Variants in ZNF267 observed in about 807,000 individuals in gnomAD.
The protein encoded by ZNF267 is zinc finger (C2H2).
Under a neutral mutation model 71.6 loss-of-function variants are expected in ZNF267, and 61 were observed. That is an observed-to-expected ratio of 0.85 (90% CI 0.69 to 1.05). The LOEUF is 1.05. Ranked by LOEUF, ZNF267 falls within the 50% of genes least tolerant of loss-of-function variation. The pLI, the probability that ZNF267 is intolerant of heterozygous loss-of-function variation, is 0.00. For missense variants in ZNF267, 852 were observed against 870.0 expected, an observed-to-expected ratio of 0.98 and a Z score of 0.26; for synonymous variants, 288 against 293.2, an observed-to-expected ratio of 0.98 and a Z score of 0.18.
chr16:31,902,456 C>G (rs1164200057), intron 3 of ZNF267, among the ~76,000 whole-genome samples: 1 of 152,184 alleles, frequency 6.6e-6, no homozygotes, highest in African/African-American at 2.4e-5. Context: ...TGTTTGTATA[C>G]TCTTATTTCA....
intron 3 of ZNF267, chr16:31,894,446 CTGTTAGTGTTTTTTT>C (rs1407399315): frequency 2.3e-6 from 1 of 442,704 alleles, no homozygotes; most frequent in Non-Finnish European, 4.4e-6. Context: ...AGCACTCCAC[CTGTTAGTGTTTTTTT>C]TTTCTGACTA....
Position 31,915,842 on chromosome 16 carries a change from T to C in ZNF267, c.1593T>C (p.Cys531=), listed in dbSNP as rs765648644. 1.9e-5 allele frequency: 30 copies of C among 1,613,486 alleles called. No individual in the cohort carries two copies. In the South Asian group the frequency reaches 2.9e-4, roughly 15 times the overall value. The change falls in exon 4 of 4, where the codon TGT becomes TGC. Residue 531 remains cysteine, a synonymous_variant. Transcript: ENST00000300870. The part of the protein sequence containing the change: ...KCKVCAKPFT[C]FSNLIVHERI... ...AAGTATGTGCTAAACCTTTTACTTG[T>C]TTCTCAAATCTTATTGTGCATGAGA... is the stretch of plus-strand genomic sequence containing the variant.
intron 3 of ZNF267, among the ~76,000 whole-genome samples, chr16:31,900,725 T>C (rs1201587305): frequency 6.6e-6 from 1 of 151,388 alleles, no homozygotes; most frequent in Non-Finnish European, 1.5e-5. Flanking sequence ...ATTACAAGCA[T>C]GAGTCACTGT....
chr16:31,900,434 G>A (rs767150784), intron 3 of ZNF267, among the ~76,000 whole-genome samples: 1 of 151,898 alleles, frequency 6.6e-6, no homozygotes, highest in South Asian at 2.1e-4. Context: ...CTTTTATTAA[G>A]AATTCTTTAT....
In ZNF267 at chr16:31,916,102, A is replaced by G; in HGVS notation, c.1853A>G (p.Asp618Gly). The stretch of plus-strand genomic sequence containing the variant: ...GGCAAAGCCTTTAGTTATAGTTCAG[A>G]TGTTATTCAGCATCGGAGAATTCAT... Reference protein sequence around the residue: ...ECGKAFSYSSDVIQHRRIHTG... With the variant: ...ECGKAFSYSSGVIQHRRIHTG... Residue 618 changes from aspartate (D) to glycine (G), a missense_variant, in exon 4 of 4, where the codon GAT becomes GGT. Asp to Gly is a moderately conservative substitution (Grantham distance 94). Transcript: ENST00000300870. The G allele has an allele frequency of 6.2e-7, 1 of 1,614,138 alleles. No individual in the cohort carries two copies. Among genetic ancestry groups the G allele is most frequent in the Non-Finnish European group, 8.5e-7 (1 of 1,180,008 alleles).
At chr16:31,891,622 T>C (rs551984696) in intron 3 of ZNF267, among the ~76,000 whole-genome samples, 1 of 152,252 alleles carries the variant, frequency 6.6e-6, no homozygotes, top group African/African-American at 2.4e-5. Flanking sequence ...TCTCACGAGA[T>C]CTGATGGTTT....
intron 1 of ZNF267, 33 bp downstream of exon 1, chr16:31,874,002 A>C: frequency 6.2e-7 from 1 of 1,603,170 alleles, no homozygotes. Flanking sequence ...CCCCAGAGGG[A>C]GGGAGGGCGG....
At position 31,914,773 on chromosome 16, in the gene ZNF267, T is replaced by A. The variant is rs140786247; in HGVS notation, c.524T>A (p.Leu175His). The A allele has an allele frequency of 2.1e-4, 334 of 1,613,602 alleles. No homozygotes were observed. Among genetic ancestry groups the A allele is most frequent in the South Asian group, 9.1e-4 (83 of 90,864 alleles). Residue 175 changes from leucine to histidine, a missense_variant, in exon 4 of 4, where the codon CTT becomes CAT. By Grantham distance (99) the Leu-to-His change is moderately conservative (BLOSUM62 -3). Coordinates refer to ENST00000300870, the MANE Select transcript of ZNF267 (RefSeq NM_003414.6). Reference protein sequence around the residue: ...YRKVFTHSSLLNQQEEIDIWG... With the variant: ...YRKVFTHSSLHNQQEEIDIWG... ...AAGGTCTTTACTCATTCATCATTGCTTAATCAACAAGAGGAAATAGATATT... is the reference window on the plus strand; with the variant it reads ...AAGGTCTTTACTCATTCATCATTGCATAATCAACAAGAGGAAATAGATATT...
rs758362603 is a variant in ZNF267, at chr16:31,873,854, G to C, written c.-113G>C. 1.4e-6 allele frequency: 2 copies of C among 1,454,436 alleles called. No homozygotes were observed. Among genetic ancestry groups the C allele is most frequent in the African/African-American group, 2.8e-5 (2 of 71,696 alleles). 90.1% of individuals were successfully genotyped at this position (1,454,436 alleles called of 1,614,324 possible). On this transcript the variant is annotated 5_prime_UTR_variant, in exon 1 of 4. Coordinates refer to ENST00000300870, the MANE Select transcript of ZNF267 (RefSeq NM_003414.6). ...CCACAGCTCCGAGTCTTTCGTTCTGGGAGGCCCAGGCGGCTTCGCGTTCTG... is the reference window on the plus strand; with the variant it reads ...CCACAGCTCCGAGTCTTTCGTTCTGCGAGGCCCAGGCGGCTTCGCGTTCTG...
intron 3 of ZNF267, among the ~76,000 whole-genome samples, chr16:31,891,194 C>T (rs1323455642): frequency 6.6e-6 from 1 of 152,082 alleles, no homozygotes; most frequent in East Asian, 1.9e-4. Context: ...AATTTAACAT[C>T]TATCCATAGA....
intron 1 of ZNF267, chr16:31,875,436 C>A: frequency 1.3e-6 from 1 of 775,046 alleles, no homozygotes; most frequent in Non-Finnish European, 1.8e-6. Flanking sequence ...AGTTTTCATC[C>A]CTTGGAGACA....
intron 1 of ZNF267, among the ~76,000 whole-genome samples, chr16:31,883,675 A>T (rs2083905089): frequency 6.6e-6 from 1 of 152,260 alleles, no homozygotes; most frequent in African/African-American, 2.4e-5. Flanking sequence ...GGTTTTATAT[A>T]TGTAAACAAC....
intron 3 of ZNF267, among the ~76,000 whole-genome samples, chr16:31,903,930 A>G (rs538354536): frequency 4.6e-5 from 7 of 152,304 alleles, no homozygotes; most frequent in East Asian, 3.9e-4. Flanking sequence ...ATTTAGTGCT[A>G]TAAATTTCCC....
chr16:31,911,770 T>A (rs2084137296), intron 3 of ZNF267: 1 of 151,522 alleles, frequency 6.6e-6, no homozygotes, highest in African/African-American at 2.4e-5. Flanking sequence ...TGAACATGAT[T>A]TTTCTTGGTG....
chr16:31,914,347 A>G lies in ZNF267; in HGVS notation c.227-129A>G, dbSNP rs1338753681. On this transcript the variant is annotated intron_variant, in intron 3 of 3. Transcript: ENST00000300870. ...TAAAGTTTGTATATCAATTGAGAAA[A>G]CACGGCCTCAGGTTTTTCACTCAAC... 4.9e-6 allele frequency: 4 copies of G among 808,860 alleles called. No individual in the cohort carries two copies. In the African/African-American group the frequency reaches 7.0e-5, roughly 14 times the overall value. 50.1% of individuals were successfully genotyped at this position (808,860 alleles called of 1,614,324 possible).
chr16:31,878,786 T>G (rs931185387), intron 1 of ZNF267, among the ~76,000 whole-genome samples: 15 of 152,150 alleles, frequency 9.9e-5, no homozygotes, highest in African/African-American at 3.1e-4. Context: ...TACACGGTGT[T>G]CCCAAGGTCA....
At chr16:31,895,006 G>T in intron 3 of ZNF267, 1 of 314,620 alleles carries the variant, frequency 3.2e-6, no homozygotes, top group Non-Finnish European at 6.2e-6. Context: ...ATGAAACTGC[G>T]TCTGGCTGTG....
chr16:31,875,164 C>T (rs989678607), intron 1 of ZNF267: 3 of 1,289,028 alleles, frequency 2.3e-6, no homozygotes, highest in Non-Finnish European at 2.0e-6. Flanking sequence ...CCCTGTATAG[C>T]CACCCTCTAT....
At chr16:31,911,812 G>A (rs959553231) in intron 3 of ZNF267, 1 of 150,442 alleles carries the variant, frequency 6.6e-6, no homozygotes, top group African/African-American at 2.5e-5. Flanking sequence ...TTTGGTTTCT[G>A]TGTCTGTTGT....
Sources: allele counts gnomAD v4.1 joint callset (sites outside exome capture counted in the v4.1 genomes callset), GRCh38; gene constraint gnomAD v4.1.1; transcripts MANE v1.5; gene names NCBI Gene and HGNC (gene_info 2026-07-23, HGNC 2026-07-21).